SRGAP3: variants seen among roughly 807,000 people sequenced by gnomAD.
SRGAP3 encodes the protein SLIT-ROBO Rho GTPase activating protein 3, also known as SLIT-ROBO Rho GTPase-activating protein 3.
A neutral mutation model predicts 121.1 loss-of-function variants in SRGAP3; 39 were observed. That is an observed-to-expected ratio of 0.32 (90% confidence interval 0.25 to 0.42). The LOEUF (loss-of-function observed/expected upper bound fraction) is 0.42, where lower values mean the gene tolerates loss of function less well. SRGAP3 is among the 10% of genes least tolerant of loss of function. The pLI, the probability that SRGAP3 is intolerant of heterozygous loss-of-function variation, is 1.00. For synonymous variants in SRGAP3, 601 were observed against 570.0 expected (o/e 1.05, Z -0.77); for missense variants, 1,213 against 1,470.6 (o/e 0.82, Z 2.86).
chr3:9,111,046 C>G (rs1948605047), intron 2 of SRGAP3, among the ~76,000 whole-genome samples: 1 of 152,248 alleles, frequency 6.6e-6, no homozygotes, highest in Non-Finnish European at 1.5e-5. Context: ...GCTCTGCAGT[C>G]ATTCTTCAGC....
chr3:9,006,879 A>G (rs1191065974), intron 18 of SRGAP3: 1 of 152,082 alleles, frequency 6.6e-6, no homozygotes, highest in Non-Finnish European at 1.5e-5. Context: ...CTTGGAGACC[A>G]AAGAGCAAGC....
chr3:9,317,975 T>C (rs1236488305), intron 3 of SRGAP3, among the ~76,000 whole-genome samples: 4 of 152,350 alleles, frequency 2.6e-5, no homozygotes, highest in African/African-American at 9.6e-5. Context: ...TGGTTCTTAA[T>C]CTACTGCACA....
chr3:9,186,699 C>T (rs764447903), intron 1 of SRGAP3, among the ~76,000 whole-genome samples: 10 of 152,070 alleles, frequency 6.6e-5, no homozygotes, highest in Non-Finnish European at 8.8e-5. Flanking sequence ...CTGCCATGTA[C>T]GACTGACCCC....
At chr3:9,038,674 T>A (rs1377539079) in intron 10 of SRGAP3, among the ~76,000 whole-genome samples, 1 of 152,102 alleles carries the variant, frequency 6.6e-6, no homozygotes, top group Non-Finnish European at 1.5e-5. Context: ...GAAAAGAAAA[T>A]CAAGTACTAT....
intron 5 of SRGAP3, 43 bp downstream of exon 5, chr3:9,064,353 G>C: frequency 6.2e-7 from 1 of 1,613,082 alleles, no homozygotes; most frequent in African/African-American, 1.3e-5. Flanking sequence ...CCTCCCCTTT[G>C]TGCCCTGTCC....
intron 11 of SRGAP3, chr3:9,033,348 G>C (rs1480534754): frequency 6.5e-6 from 1 of 155,012 alleles, no homozygotes; most frequent in East Asian, 1.9e-4. Context: ...AACTTCTTTG[G>C]GGTCCCTGGG....
rs1478018715 is a variant in SRGAP3, at chr3:9,058,558, A to T, written c.802-86T>A. ...CTGGCCACCACAGTGACTTACAATT[A>T]CCTCCCTTTCCACAGCCGAATCTTC... On this transcript the variant is annotated intron_variant, in intron 6 of 21. Coordinates refer to ENST00000383836, the MANE Select transcript of SRGAP3 (RefSeq NM_014850.4). 3 of 1,360,704 alleles carry T rather than the reference A, an allele frequency of 2.2e-6. No individual in the cohort carries two copies. The African/African-American group carries it at 4.3e-5, about 20-fold the overall frequency. 84.3% of individuals were successfully genotyped at this position (1,360,704 alleles called of 1,614,324 possible). A position where few individuals can be genotyped will look rare whatever the true frequency, so the allele number is the denominator to read the frequency against.
chr3:8,992,908 G>T lies in SRGAP3; in HGVS notation c.2556C>A (p.Gly852=). Residue 852 remains glycine, a splice_region_variant and synonymous_variant, in exon 20 of 22, where the codon GGC becomes GGA. Coordinates refer to ENST00000383836, the MANE Select transcript of SRGAP3 (RefSeq NM_014850.4). ...AAAAATGAATCCGCATATCCTACCG[G>T]CCCATCACCCCCCCAAAGCCGTAAT... ...ISDYGFGGVM[G]RVRLRSDGAA... 1 of 1,614,096 alleles carries T rather than the reference G, an allele frequency of 6.2e-7. No homozygotes were observed. The highest frequency in any genetic ancestry group is 1.7e-5 in the Admixed American group (1 of 60,018).
At chr3:9,228,873 T>C (rs1953091340) in intron 1 of SRGAP3, among the ~76,000 whole-genome samples, 1 of 150,906 alleles carries the variant, frequency 6.6e-6, no homozygotes, top group Non-Finnish European at 1.5e-5. Context: ...CCATCCTGGC[T>C]AACATGGTGA....
chr3:9,233,512 G>A (rs1559231188), intron 1 of SRGAP3, among the ~76,000 whole-genome samples: 1 of 152,068 alleles, frequency 6.6e-6, no homozygotes, highest in African/African-American at 2.4e-5. Flanking sequence ...CCCCTTTCTG[G>A]AACCACTTTT....
intron 3 of SRGAP3, among the ~76,000 whole-genome samples, chr3:9,090,613 G>A (rs778518277): frequency 1.3e-5 from 2 of 152,118 alleles, no homozygotes; most frequent in Non-Finnish European, 1.5e-5. Flanking sequence ...GACTTTATGA[G>A]TTACATTTGA....
rs377609064 is a variant in SRGAP3, at chr3:9,277,480, C to T, written n.442+48530G>A. Among the ~76,000 whole-genome samples, 25 of 151,622 alleles carry T rather than the reference C, an allele frequency of 1.6e-4. 1 individual carries two copies. In the East Asian group the frequency reaches 4.6e-3, roughly 28 times the overall value. ...AAAATTAGCTGGGCATAGTGGTATG[C>T]TACTGTAATCCCAGCTACTTGGGAG... On this transcript the variant is annotated intron_variant and non_coding_transcript_variant, in intron 3 of 3. Transcript: ENST00000490889.
chr3:9,172,618 C>T (rs768932081), intron 1 of SRGAP3, among the ~76,000 whole-genome samples: 28 of 152,172 alleles, frequency 1.8e-4, no homozygotes, highest in Non-Finnish European at 2.9e-4. Context: ...TGTTTCCAGC[C>T]GAGCTCTGGG....
intron 1 of SRGAP3, among the ~76,000 whole-genome samples, chr3:9,198,478 T>G (rs1951975660): frequency 6.6e-6 from 1 of 152,236 alleles, no homozygotes; most frequent in South Asian, 2.1e-4. Flanking sequence ...CTTCCTGGAC[T>G]TACAATCTAC....
At chr3:9,012,611 CTT>C (rs1943430949) in intron 17 of SRGAP3, among the ~76,000 whole-genome samples, 1 of 152,142 alleles carries the variant, frequency 6.6e-6, no homozygotes, top group Non-Finnish European at 1.5e-5. Flanking sequence ...ACTGAGCTCA[CTT>C]TGTCTGGAAA....
chr3:9,045,371 GT>G (rs201028447), intron 10 of SRGAP3, among the ~76,000 whole-genome samples: 1 of 151,296 alleles, frequency 6.6e-6, no homozygotes, highest in African/African-American at 2.4e-5. Flanking sequence ...TTTCCGGGAG[GT>G]TTTTTTTTAT....
At chr3:9,187,263 G>A (rs567426270) in intron 1 of SRGAP3, among the ~76,000 whole-genome samples, 2 of 152,232 alleles carry the variant, frequency 1.3e-5, no homozygotes, top group African/African-American at 4.8e-5. Flanking sequence ...AAGTTTTAAT[G>A]GCGATCTTTC....
At chr3:8,997,823 T>C (rs567862642) in intron 18 of SRGAP3, among the ~76,000 whole-genome samples, 3 of 152,308 alleles carry the variant, frequency 2.0e-5, no homozygotes, top group East Asian at 1.9e-4. Context: ...TTAAATTAAG[T>C]TATAAACATC....
intron 1 of SRGAP3, among the ~76,000 whole-genome samples, chr3:9,143,288 G>A (rs1412417249): frequency 2.0e-5 from 3 of 152,138 alleles, no homozygotes; most frequent in Admixed American, 6.5e-5. Flanking sequence ...CAGGCCTTCC[G>A]CATTCCTCTT....
Sources: allele counts gnomAD v4.1 joint callset (sites outside exome capture counted in the v4.1 genomes callset), GRCh38; gene constraint gnomAD v4.1.1; transcripts MANE v1.5; gene names NCBI Gene and HGNC (gene_info 2026-07-23, HGNC 2026-07-21).